Variants in SORL1 observed in about 807,000 individuals in gnomAD.
SORL1 encodes the protein sortilin related receptor 1, also known as sortilin-related receptor.
A neutral mutation model predicts 273.7 loss-of-function variants in SORL1; 127 were observed. The observed-to-expected ratio is 0.46, with a 90% confidence interval of 0.40 to 0.54. The LOEUF (loss-of-function observed/expected upper bound fraction) is 0.54. Among genes scored for constraint, SORL1 ranks in the 20% least tolerant of loss-of-function variants. SORL1 has a pLI of 0.00. For missense variants in SORL1, 2,494 were observed against 2,846.1 expected, an observed-to-expected ratio of 0.88 and a Z score of 2.81; for synonymous variants, 1,031 against 1,067.4, an observed-to-expected ratio of 0.97 and a Z score of 0.66.
At position 121,520,747 on chromosome 11, in the gene SORL1, T is replaced by G. The variant is rs760966725; in HGVS notation, c.1302T>G (p.Asn434Lys). ...CTACTCTGATTAATGGTTCTATGAA[T>G]GAGGAGAACATGAGATCGGTCATCA... ...YIATLINGSM[N>K]EENMRSVITF... Residue 434 changes from asparagine (N) to lysine (K), a missense_variant, in exon 9 of 48, where the codon AAT becomes AAG. Transcript: ENST00000260197. 1.9e-6 allele frequency: 3 copies of G among 1,612,982 alleles called. No homozygotes were observed. Among genetic ancestry groups the G allele is most frequent in the Non-Finnish European group, 1.7e-6 (2 of 1,179,472 alleles).
In SORL1 at chr11:121,630,335, T is replaced by C. The variant is rs1357539182; in HGVS notation, c.*772T>C. On this transcript the variant is annotated 3_prime_UTR_variant, in exon 48 of 48. Transcript: ENST00000260197. ...TGGAATTTTACTGTATGTGCCTCTGTACAAGATGTAGCTTTGAGAGCTACA... is the reference window on the plus strand; with the variant it reads ...TGGAATTTTACTGTATGTGCCTCTGCACAAGATGTAGCTTTGAGAGCTACA... The C allele has an allele frequency of 6.6e-6, 1 of 152,184 alleles. No individual in the cohort carries two copies. The highest frequency in any genetic ancestry group is 2.4e-5 in the African/African-American group (1 of 41,452). The allele number at this position is 152,184 out of a possible 1,614,324, so 9.4% of individuals were successfully genotyped here.
chr11:121,600,242 G>A (rs1396588282), intron 32 of SORL1, among the ~76,000 whole-genome samples: 2 of 152,316 alleles, frequency 1.3e-5, no homozygotes, highest in East Asian at 3.9e-4. Flanking sequence ...GTGGAGATAG[G>A]AGAATTAAGG....
chr11:121,614,860 T>C lies in SORL1; in HGVS notation c.5420-11T>C, dbSNP rs751555424. The C allele has an allele frequency of 1.9e-6, 3 of 1,611,352 alleles. No homozygotes were observed. In the South Asian group the frequency reaches 3.3e-5, roughly 18 times the overall value. On this transcript the variant is annotated splice_polypyrimidine_tract_variant and intron_variant, in intron 40 of 47. Transcript: ENST00000260197. ...ACTTCCTCCTGGAATCTCCTTTTCC[T>C]GTTTTCACAGTTGGCAATCTGACAG...
chr11:121,469,497 C>T (rs1410150882), intron 1 of SORL1, among the ~76,000 whole-genome samples: 1 of 152,172 alleles, frequency 6.6e-6, no homozygotes, highest in Non-Finnish European at 1.5e-5. Context: ...TTTTGAAAAG[C>T]TTCACAATGA....
chr11:121,549,550 A>G (rs1862478393), intron 14 of SORL1, among the ~76,000 whole-genome samples: 1 of 152,302 alleles, frequency 6.6e-6, no homozygotes, highest in South Asian at 2.1e-4. Context: ...TAAAAAGGTT[A>G]TTCTTTTAAA....
Position 121,557,420 on chromosome 11 carries a change from A to T in SORL1, c.2663+15A>T. 6.3e-7 allele frequency: 1 copy of T among 1,585,616 alleles called. No homozygotes were observed. Among genetic ancestry groups the T allele is most frequent in the East Asian group, 2.2e-5 (1 of 44,736 alleles). ...CCCCAAGAGGGGTAAGTGTTGCCCC[A>T]AAAGGAAATCAGTCTTGCGTCCAAT... On this transcript the variant is annotated intron_variant, in intron 19 of 47. Transcript: ENST00000260197.
intron 31 of SORL1, among the ~76,000 whole-genome samples, chr11:121,594,859 A>T (rs930760843): frequency 6.6e-6 from 1 of 151,952 alleles, no homozygotes; most frequent in African/African-American, 2.4e-5. Flanking sequence ...CCATGGGGGA[A>T]CTCTGAATCT....
At chr11:121,471,660 G>A (rs1363354345) in intron 2 of SORL1, among the ~76,000 whole-genome samples, 1 of 152,238 alleles carries the variant, frequency 6.6e-6, no homozygotes, top group African/African-American at 2.4e-5. Context: ...TTTGGTCTCT[G>A]TGAGGTCCCT....
At chr11:121,470,270 G>C in intron 2 of SORL1, 147 bp downstream of exon 2, 1 of 712,988 alleles carries the variant, frequency 1.4e-6, no homozygotes, top group Non-Finnish European at 2.6e-6. Flanking sequence ...TCTAGAAAAT[G>C]ATATATCCCT....
chr11:121,503,753 C>T (rs1861747414), intron 6 of SORL1, among the ~76,000 whole-genome samples: 1 of 152,214 alleles, frequency 6.6e-6, no homozygotes, highest in Non-Finnish European at 1.5e-5. Context: ...ATATCTACCC[C>T]TATGCCAGCA....
At position 121,558,845 on chromosome 11, in the gene SORL1, C is replaced by CT; in HGVS notation, c.2910+8_2910+9insT. 1 of 1,613,928 alleles carries CT rather than the reference C, an allele frequency of 6.2e-7. No individual in the cohort carries two copies. The highest frequency in any genetic ancestry group is 8.5e-7 in the Non-Finnish European group (1 of 1,179,894). ...GCCATTGCTGTCTTTAAGGTGAGTC[C>CT]ATTTGTTGCTGCCGGACAGTCTGCT... is the stretch of plus-strand genomic sequence containing the variant. On this transcript the variant is annotated intron_variant, in intron 20 of 47. Coordinates refer to ENST00000260197, the MANE Select transcript of SORL1 (RefSeq NM_003105.6).
Position 121,488,097 on chromosome 11 carries a change from A to G in SORL1, c.594A>G (p.Gln198=). The G allele has an allele frequency of 1.9e-6, 3 of 1,614,092 alleles. No individual in the cohort carries two copies. The highest frequency in any genetic ancestry group is 2.5e-6 in the Non-Finnish European group (3 of 1,179,998). The change falls in exon 4 of 48, where the codon CAA becomes CAG. Residue 198 remains glutamine, a synonymous_variant. Coordinates refer to ENST00000260197, the MANE Select transcript of SORL1 (RefSeq NM_003105.6). ...WITFDFCNTL[Q]GFSIPFRAAD... Reference sequence around the variant, plus strand: ...CGTTTGACTTCTGCAACACTCTTCAAGGCTTTTCCATCCCATTTCGGGCAG... The same window carrying G: ...CGTTTGACTTCTGCAACACTCTTCAGGGCTTTTCCATCCCATTTCGGGCAG...
chr11:121,514,450 C>A (rs1396812453), intron 8 of SORL1, 129 bp downstream of exon 8: 7 of 884,908 alleles, frequency 7.9e-6, no homozygotes, highest in Non-Finnish European at 1.2e-5. Context: ...AAACCCGATG[C>A]CTGGCTCACG....
chr11:121,462,715 G>T (rs1472019628), intron 1 of SORL1, among the ~76,000 whole-genome samples: 1 of 152,166 alleles, frequency 6.6e-6, no homozygotes, highest in Non-Finnish European at 1.5e-5. Context: ...CTCCCTAGTA[G>T]CTGGGACTAC....
chr11:121,493,067 C>T (rs144483258), intron 5 of SORL1, among the ~76,000 whole-genome samples: 2 of 152,280 alleles, frequency 1.3e-5, no homozygotes, highest in African/African-American at 4.8e-5. Context: ...CAGCTTCAAA[C>T]TCTTGGGCTC....
Position 121,621,128 on chromosome 11 carries a change from G to A in SORL1, c.5954G>A (p.Arg1985His), listed in dbSNP as rs750421636. The change falls in exon 44 of 48, where the codon CGT (arginine) becomes CAT (histidine). Residue 1985 changes from arginine to histidine, a missense_variant. Arg to His is a conservative substitution (Grantham distance 29). Transcript: ENST00000260197. The stretch of plus-strand genomic sequence containing the variant: ...GACAGGAGCTACAAAGTAAAATCCC[G>A]TAACAGCACTGTGGAATACACCCTT... ...KTDRSYKVKS[R>H]NSTVEYTLNK... The A allele has an allele frequency of 2.1e-5, 34 of 1,613,746 alleles. No individual in the cohort carries two copies. The highest frequency in any genetic ancestry group is 2.2e-5 in the Non-Finnish European group (26 of 1,179,810).
rs867907263 is a variant in SORL1 at position 121,586,709 on chromosome 11, G to C, written c.3814+380G>C. On this transcript the variant is annotated intron_variant, in intron 27 of 47. Transcript: ENST00000260197. ...GGGGTAGAGTGGGGGGGGGGGCGGG[G>C]GGGGGGCATTTTTAGGCCAGATGAC... Among the ~76,000 whole-genome samples, 18 of 130,182 alleles carry C rather than the reference G, an allele frequency of 1.4e-4. 1 individual carries two copies. Among genetic ancestry groups the C allele is most frequent in the Non-Finnish European group, 2.0e-4 (12 of 60,934 alleles). The allele number at this position is 130,182 out of a possible 152,430, so 85.4% of individuals were successfully genotyped here. A position where few individuals can be genotyped will look rare whatever the true frequency, so the allele number is the denominator to read the frequency against.
intron 6 of SORL1, among the ~76,000 whole-genome samples, chr11:121,509,750 C>T (rs914777157): frequency 5.9e-5 from 9 of 152,152 alleles, no homozygotes; most frequent in Non-Finnish European, 1.2e-4. Context: ...GCTGGGATTA[C>T]AGGTATGAGC....
chr11:121,494,945 A>G (rs1861606249), intron 5 of SORL1, among the ~76,000 whole-genome samples: 1 of 152,184 alleles, frequency 6.6e-6, no homozygotes, highest in Non-Finnish European at 1.5e-5. Flanking sequence ...CCACCCGCCC[A>G]CACATGCACA....
Sources: gnomAD v4.1 joint callset for allele counts (sites outside exome capture counted in the v4.1 genomes callset) on GRCh38, gnomAD v4.1.1 for gene constraint, MANE v1.5 for transcripts, NCBI Gene and HGNC (gene_info 2026-07-23, HGNC 2026-07-21) for gene names.